The following ZNF292 variants were observed in gnomAD, a reference collection of about 807,000 sequenced individuals.
The protein encoded by ZNF292 is 16 zinc-finger domain protein.
In ZNF292, 26 loss-of-function variants were observed where a neutral mutation model predicts 217.9. The ratio of observed to expected loss-of-function variants is 0.12; its 90% CI spans 0.09 to 0.17. The LOEUF (loss-of-function observed/expected upper bound fraction) is 0.17, where lower values mean the gene tolerates loss of function less well. Ranked by LOEUF, ZNF292 falls within the 10% of genes least tolerant of loss-of-function variation. ZNF292 has a pLI of 1.00. For synonymous variants in ZNF292, 1,257 were observed against 1,124.1 expected (o/e 1.12, Z -2.37); for missense variants, 2,904 against 3,175.2 (o/e 0.91, Z 2.05).
intron 5 of ZNF292, among the ~76,000 whole-genome samples, chr6:87,237,521 C>T (rs1010628590): frequency 6.6e-6 from 1 of 152,202 alleles, no homozygotes; most frequent in Non-Finnish European, 1.5e-5. Context: ...GGATTACACA[C>T]GTGAGCCACC....
intron 7 of ZNF292, among the ~76,000 whole-genome samples, chr6:87,253,242 T>TTTTTG (rs1197544803): frequency 3.0e-5 from 4 of 134,738 alleles, no homozygotes; most frequent in African/African-American, 1.2e-4. Context: ...TTTTTTTTTT[T>TTTTTG]GAGACAGGGT....
intron 6 of ZNF292, 70 bp from the exon 7 acceptor site, chr6:87,245,433 G>T: frequency 8.7e-7 from 1 of 1,146,182 alleles, no homozygotes; most frequent in South Asian, 1.6e-5. Context: ...CAAATGTAAT[G>T]ACTGGACTGA....
chr6:87,171,380 GTGGTTTTTTGT>G (rs927554957), intron 1 of ZNF292, among the ~76,000 whole-genome samples: 48 of 151,744 alleles, frequency 3.2e-4, no homozygotes, highest in African/African-American at 1.1e-3. Context: ...CTTCAGGGTT[GTGGTTTTTTGT>G]TGGTTTTTTT....
chr6:87,155,591 G>C lies in ZNF292; in HGVS notation c.-1G>C, dbSNP rs764959989. 3 of 1,577,534 alleles carry C rather than the reference G, an allele frequency of 1.9e-6. No individual in the cohort carries two copies. In the East Asian group the frequency reaches 7.0e-5, roughly 37 times the overall value. On this transcript the variant is annotated 5_prime_UTR_variant, in exon 1 of 8. Transcript: ENST00000369577. Reference sequence around the variant, plus strand: ...CGTACGCGACGGAGCGGGGTGTGAAGATGGCGGACGAAGAGGCCGAGCAGG... The same window carrying C: ...CGTACGCGACGGAGCGGGGTGTGAACATGGCGGACGAAGAGGCCGAGCAGG...
intron 1 of ZNF292, among the ~76,000 whole-genome samples, chr6:87,169,343 C>T (rs901207644): frequency 1.7e-4 from 26 of 148,938 alleles, no homozygotes; most frequent in African/African-American, 4.7e-4. Context: ...GCCCAGCCTC[C>T]TTTTTTTTTT....
intron 1 of ZNF292, among the ~76,000 whole-genome samples, chr6:87,160,488 T>TG (rs1770696864): frequency 1.5e-5 from 1 of 64,970 alleles, no homozygotes; most frequent in Non-Finnish European, 2.6e-5. Flanking sequence ...TGTTTGTATA[T>TG]ATATGTGTGT....
intron 1 of ZNF292, among the ~76,000 whole-genome samples, chr6:87,210,404 AGT>A: frequency 6.6e-6 from 1 of 152,284 alleles, no homozygotes; most frequent in Non-Finnish European, 1.5e-5. Flanking sequence ...CGCAAGAAAC[AGT>A]GTGTTAGAGA....
At chr6:87,196,691 G>A (rs1269546875) in intron 1 of ZNF292, among the ~76,000 whole-genome samples, 2 of 152,194 alleles carry the variant, frequency 1.3e-5, no homozygotes, top group East Asian at 3.8e-4. Context: ...TTTATACTGT[G>A]ATGGCTGGTA....
chr6:87,225,554 CTT>C (rs1773304366), intron 4 of ZNF292, among the ~76,000 whole-genome samples: 1 of 152,088 alleles, frequency 6.6e-6, no homozygotes, highest in Non-Finnish European at 1.5e-5. Context: ...AAAAGTGTAA[CTT>C]AATTTATGTT....
intron 4 of ZNF292, among the ~76,000 whole-genome samples, chr6:87,220,842 A>C (rs1773047232): frequency 1.3e-5 from 2 of 152,180 alleles, no homozygotes; most frequent in South Asian, 4.1e-4. Flanking sequence ...TTTTCTGCAA[A>C]GTAGATGGAT....
At position 87,261,861 on chromosome 6, in the gene ZNF292, C is replaced by A; in HGVS notation, c.*60C>A. On this transcript the variant is annotated 3_prime_UTR_variant, in exon 8 of 8. Coordinates refer to ENST00000369577, the MANE Select transcript of ZNF292 (RefSeq NM_015021.3). ...TTATTTTAAATAGGAAGCCATCAAG[C>A]ATGCTAGAATTGTGAAACTTTCATT... 1.7e-6 allele frequency: 2 copies of A among 1,197,222 alleles called. No homozygotes were observed. Among genetic ancestry groups the A allele is most frequent in the Non-Finnish European group, 2.3e-6 (2 of 882,614 alleles). 74.2% of individuals were successfully genotyped at this position (1,197,222 alleles called of 1,614,324 possible).
chr6:87,163,402 G>A (rs529775572), intron 1 of ZNF292, among the ~76,000 whole-genome samples: 11 of 151,934 alleles, frequency 7.2e-5, no homozygotes, highest in African/African-American at 2.2e-4. Flanking sequence ...AGTGAGCCAC[G>A]ATGGCGCCAC....
chr6:87,204,200 T>C (rs1051913172), intron 1 of ZNF292, among the ~76,000 whole-genome samples: 10 of 152,218 alleles, frequency 6.6e-5, no homozygotes, highest in Admixed American at 5.2e-4. Context: ...TTAAGGAGAC[T>C]GAAGGGACAT....
chr6:87,224,496 C>T (rs1199513830), intron 4 of ZNF292, among the ~76,000 whole-genome samples: 1 of 151,784 alleles, frequency 6.6e-6, no homozygotes, highest in Non-Finnish European at 1.5e-5. Context: ...CCAGCCTTCT[C>T]CCAAACACCT....
Position 87,259,922 on chromosome 6 carries a change from T to C in ZNF292, c.6293T>C (p.Val2098Ala), listed in dbSNP as rs747399250. Reference protein sequence around the residue: ...EKEEKKRKKPVSQSLEFPTRY... With the variant: ...EKEEKKRKKPASQSLEFPTRY... ...GAGGAGAAAAAACGAAAGAAGCCAG[T>C]TTCCCAATCCCTTGAGTTTCCAACA... The change falls in exon 8 of 8, where the codon GTT (valine) becomes GCT (alanine). Residue 2098 changes from valine to alanine, a missense_variant. Physicochemically the swap from Val to Ala is moderately conservative, Grantham distance 64 (BLOSUM62 0). Coordinates refer to ENST00000369577, the MANE Select transcript of ZNF292 (RefSeq NM_015021.3). 6.2e-7 allele frequency: 1 copy of C among 1,613,556 alleles called. No individual in the cohort carries two copies. Among genetic ancestry groups the C allele is most frequent in the Admixed American group, 1.7e-5 (1 of 59,950 alleles).
intron 3 of ZNF292, among the ~76,000 whole-genome samples, chr6:87,217,976 A>G (rs564766130): frequency 1.7e-3 from 262 of 152,258 alleles, no homozygotes; most frequent in Middle Eastern, 3.4e-3. Context: ...AACTTTGTTC[A>G]TAGAAATTCT....
At chr6:87,165,540 T>C (rs1384462886) in intron 1 of ZNF292, among the ~76,000 whole-genome samples, 5 of 152,194 alleles carry the variant, frequency 3.3e-5, no homozygotes, top group Non-Finnish European at 5.9e-5. Context: ...ATTCAGTTTT[T>C]CACTTATTTT....
intron 1 of ZNF292, among the ~76,000 whole-genome samples, chr6:87,191,387 T>C (rs182698264): frequency 2.2e-4 from 34 of 152,354 alleles, no homozygotes; most frequent in Admixed American, 4.6e-4. Context: ...GACAAGCTTT[T>C]ATTAAACAGT....
At position 87,265,200 on chromosome 6, in the gene ZNF292, T is replaced by C. The variant is rs934190734; in HGVS notation, c.*3399T>C. Among the ~76,000 whole-genome samples, 1 of 152,036 alleles carries C rather than the reference T, an allele frequency of 6.6e-6. No homozygotes were observed. Among genetic ancestry groups the C allele is most frequent in the Non-Finnish European group, 1.5e-5 (1 of 67,996 alleles). Reference sequence around the variant, plus strand: ...CACGATCTCGGCTTACTGCAACTTCTGCCTCCCAAGTTCAAGTGATTCTCC... The same window carrying C: ...CACGATCTCGGCTTACTGCAACTTCCGCCTCCCAAGTTCAAGTGATTCTCC... On this transcript the variant is annotated 3_prime_UTR_variant, in exon 8 of 8. Coordinates refer to ENST00000369577, the MANE Select transcript of ZNF292 (RefSeq NM_015021.3).
Sources: gnomAD v4.1 joint callset for allele counts (sites outside exome capture counted in the v4.1 genomes callset) on GRCh38, gnomAD v4.1.1 for gene constraint, MANE v1.5 for transcripts, NCBI Gene and HGNC (gene_info 2026-07-23, HGNC 2026-07-21) for gene names.